SLC9A1: variants seen among roughly 807,000 people sequenced by gnomAD.
The protein encoded by SLC9A1 is sodium/hydrogen exchanger 1.
SLC9A1 carries 22 observed loss-of-function variants against 67.9 expected under a neutral mutation model. That is an observed-to-expected ratio of 0.32 (90% CI 0.23 to 0.46). SLC9A1 has a LOEUF of 0.46. Ranked by LOEUF, SLC9A1 falls within the 20% of genes least tolerant of loss-of-function variation. SLC9A1 has a pLI of 1.00. For synonymous variants in SLC9A1, 421 were observed against 471.8 expected (o/e 0.89, Z 1.40); for missense variants, 686 against 1,094.8 (o/e 0.63, Z 5.27).
intron 1 of SLC9A1, among the ~76,000 whole-genome samples, chr1:27,141,404 A>G (rs1296657870): frequency 2.0e-5 from 3 of 152,194 alleles, no homozygotes; most frequent in Admixed American, 6.5e-5. Context: ...TTCTGCCCCA[A>G]GTAGAAGCTT....
Position 27,100,020 on chromosome 1 carries a change from T to C in SLC9A1, c.*287A>G, listed in dbSNP as rs1265424775. The C allele has an allele frequency of 1.5e-5, 6 of 392,766 alleles. No individual in the cohort carries two copies. Among genetic ancestry groups the C allele is most frequent in the Non-Finnish European group, 1.4e-5 (3 of 220,630 alleles). 24.3% of individuals were successfully genotyped at this position (392,766 alleles called of 1,614,324 possible). A position where few individuals can be genotyped will look rare whatever the true frequency, so the allele number is the denominator to read the frequency against. Reference sequence around the variant, plus strand: ...GCAGAGGGAGGAGCCTCCGAGGCCCTAGTCCAGGTCCGGGAGAAGCCTGGA... The same window carrying C: ...GCAGAGGGAGGAGCCTCCGAGGCCCCAGTCCAGGTCCGGGAGAAGCCTGGA... On this transcript the variant is annotated 3_prime_UTR_variant, in exon 12 of 12. Transcript: ENST00000263980. This position sits in a 1 kb window ranked among gnomAD's most constrained non-coding sequence, Gnocchi z 5.6.
At chr1:27,143,358 T>C (rs1239765391) in intron 1 of SLC9A1, among the ~76,000 whole-genome samples, 4 of 152,230 alleles carry the variant, frequency 2.6e-5, no homozygotes, top group Non-Finnish European at 5.9e-5. Context: ...GCATCCAGCC[T>C]GAACCACACA....
Position 27,100,491 on chromosome 1 carries a change from T to C in SLC9A1, c.2264A>G (p.Asp755Gly). ...SRDPAKVAEE[D>G]EDDDGGIMMR... ...CATGATGCCCCCATCGTCGTCCTCGTCCTCCTCAGCCACCTTTGCAGGATC... is the reference window on the plus strand; with the variant it reads ...CATGATGCCCCCATCGTCGTCCTCGCCCTCCTCAGCCACCTTTGCAGGATC... The change falls in exon 12 of 12, where the codon GAC becomes GGC. Residue 755 changes from aspartate to glycine, a missense_variant. Physicochemically the swap from Asp to Gly is moderately conservative, Grantham distance 94. Coordinates refer to ENST00000263980, the MANE Select transcript of SLC9A1 (RefSeq NM_003047.5). The surrounding 1 kb of genome is among the most constrained non-coding windows in gnomAD (Gnocchi z 5.6). The C allele has an allele frequency of 6.2e-7, 1 of 1,614,092 alleles. No individual in the cohort carries two copies. The highest frequency in any genetic ancestry group is 1.3e-5 in the African/African-American group (1 of 75,038).
intron 1 of SLC9A1, among the ~76,000 whole-genome samples, chr1:27,135,243 G>C (rs2083412152): frequency 6.6e-6 from 1 of 151,632 alleles, no homozygotes; most frequent in African/African-American, 2.4e-5. Context: ...TGTAGAGACA[G>C]GGTCTCCCTA....
At chr1:27,117,844 A>T (rs1344277490) in intron 1 of SLC9A1, among the ~76,000 whole-genome samples, 1 of 152,184 alleles carries the variant, frequency 6.6e-6, no homozygotes, top group East Asian at 1.9e-4. Flanking sequence ...TTAATTCTTT[A>T]GTCAAAGCTC....
In SLC9A1 at chr1:27,152,088, C is replaced by T. The variant is rs541009177; in HGVS notation, c.352+1895G>A. 5.3e-5 allele frequency among the ~76,000 whole-genome samples: 8 copies of T among 152,246 alleles called. No individual in the cohort carries two copies. In the South Asian group the frequency reaches 1.5e-3, roughly 28 times the overall value. ...GACAGAGGGAGGTAGGAAGAGAAGC[C>T]AGGTTTTCCTGACTTCTAGACTGAT... On this transcript the variant is annotated intron_variant, in intron 1 of 11. Transcript: ENST00000263980.
At chr1:27,131,244 C>A (rs78374350) in intron 1 of SLC9A1, among the ~76,000 whole-genome samples, 1 of 152,004 alleles carries the variant, frequency 6.6e-6, no homozygotes, top group Non-Finnish European at 1.5e-5. Context: ...CACCCCCAGA[C>A]CATGGTTCTA....
chr1:27,120,186 C>T (rs539873747), intron 1 of SLC9A1, among the ~76,000 whole-genome samples: 1 of 151,838 alleles, frequency 6.6e-6, no homozygotes, highest in Non-Finnish European at 1.5e-5. Flanking sequence ...TGTACAGTGG[C>T]GCGATTTCGG....
chr1:27,116,837 C>G (rs2083275154), intron 1 of SLC9A1, among the ~76,000 whole-genome samples: 1 of 152,182 alleles, frequency 6.6e-6, no homozygotes, highest in Non-Finnish European at 1.5e-5. Flanking sequence ...TTGCCAAATT[C>G]CTTGCAATTG....
At chr1:27,138,895 G>A (rs946008228) in intron 1 of SLC9A1, among the ~76,000 whole-genome samples, 1 of 152,118 alleles carries the variant, frequency 6.6e-6, no homozygotes, top group Non-Finnish European at 1.5e-5. Context: ...AGCTCCCTGC[G>A]GCTGCTCTGG....
intron 1 of SLC9A1, among the ~76,000 whole-genome samples, chr1:27,119,216 G>C (rs893541161): frequency 6.6e-6 from 1 of 152,168 alleles, no homozygotes; most frequent in East Asian, 1.9e-4. Flanking sequence ...GACTGGCTCA[G>C]TGGAGCAGGC....
In SLC9A1 at chr1:27,114,850, A is replaced by G. The variant is rs1030527957; in HGVS notation, c.353-564T>C. Among the ~76,000 whole-genome samples the G allele has an allele frequency of 6.6e-6, 1 of 152,180 alleles. No homozygotes were observed. Among genetic ancestry groups the G allele is most frequent in the African/African-American group, 2.4e-5 (1 of 41,436 alleles). ...AGAAGAAAGCACAGAAGAATCTAAG[A>G]ATACCAGCGTGGGAAGGAACTTGGG... is the stretch of plus-strand genomic sequence containing the variant. On this transcript the variant is annotated intron_variant, in intron 1 of 11. Transcript: ENST00000263980. The surrounding 1 kb of genome is among the most constrained non-coding windows in gnomAD (Gnocchi z 5.4).
chr1:27,147,323 A>AAAAAAAAAAAAAAAAAAAAGG (rs2083494333), intron 1 of SLC9A1, among the ~76,000 whole-genome samples: 1 of 141,552 alleles, frequency 7.1e-6, no homozygotes, highest in Non-Finnish European at 1.5e-5. Flanking sequence ...AAAAAAAAAG[A>AAAAAAAAAAAAAAAAAAAAGG]AAAGAAAAAA....
At position 27,101,980 on chromosome 1, in the gene SLC9A1, G is replaced by A; in HGVS notation, c.1935+36C>T. 6.5e-7 allele frequency: 1 copy of A among 1,539,510 alleles called. No individual in the cohort carries two copies. The highest frequency in any genetic ancestry group is 1.7e-5 in the Admixed American group (1 of 59,968). Reference sequence around the variant, plus strand: ...CGTAGAGAGGGGCTGAAGGGCTCCTGTACCCTGGGGGTCGGGCTGGGGAGC... The same window carrying A: ...CGTAGAGAGGGGCTGAAGGGCTCCTATACCCTGGGGGTCGGGCTGGGGAGC... On this transcript the variant is annotated intron_variant, in intron 9 of 11. Coordinates refer to ENST00000263980, the MANE Select transcript of SLC9A1 (RefSeq NM_003047.5). This position sits in a 1 kb window ranked among gnomAD's most constrained non-coding sequence, Gnocchi z 4.9.
intron 1 of SLC9A1, among the ~76,000 whole-genome samples, chr1:27,146,161 G>A (rs745598005): frequency 6.6e-5 from 10 of 152,174 alleles, no homozygotes; most frequent in Non-Finnish European, 1.3e-4. Context: ...CCCAGGTCCT[G>A]GGTGTGCTGA....
In SLC9A1 at chr1:27,109,537, CT is replaced by C; in HGVS notation, c.1053del (p.Gly352AlafsTer6). The C allele has an allele frequency of 6.2e-7, 1 of 1,613,476 alleles. No individual in the cohort carries two copies. The highest frequency in any genetic ancestry group is 8.5e-7 in the Non-Finnish European group (1 of 1,179,958). The part of the protein sequence containing the change: ...AYLSAELFHL[S>X]GIMALIASGV... The stretch of plus-strand genomic sequence containing the variant: ...TGCACGCAGACTCACGCCATGATGC[CT>C]GACAGGTGGAAGAGCTCGGCTGACA... On this transcript the variant is annotated frameshift_variant, in exon 3 of 12. Coordinates refer to ENST00000263980, the MANE Select transcript of SLC9A1 (RefSeq NM_003047.5). LOFTEE classifies it high-confidence loss of function. This position sits in a 1 kb window ranked among gnomAD's most constrained non-coding sequence, Gnocchi z 5.5.
chr1:27,149,885 T>G (rs2083515314), intron 1 of SLC9A1, among the ~76,000 whole-genome samples: 1 of 152,214 alleles, frequency 6.6e-6, no homozygotes, highest in South Asian at 2.1e-4. Flanking sequence ...GGTGCTCAGC[T>G]GAATGAAGTC....
chr1:27,101,674 G>C lies in SLC9A1; in HGVS notation c.2037+51C>G. On this transcript the variant is annotated intron_variant, in intron 10 of 11. Transcript: ENST00000263980. This position sits in a 1 kb window ranked among gnomAD's most constrained non-coding sequence, Gnocchi z 4.9. The stretch of plus-strand genomic sequence containing the variant: ...ACATTTCCTTAGAGGCTGTGGCGGA[G>C]CTTGGGCGAGTGGGGTGGGATACAG... The C allele has an allele frequency of 7.5e-7, 1 of 1,326,944 alleles. No homozygotes were observed. The highest frequency in any genetic ancestry group is 1.4e-5 in the African/African-American group (1 of 69,220). The allele number at this position is 1,326,944 out of a possible 1,614,324, so 82.2% of individuals were successfully genotyped here.
At chr1:27,136,881 G>T (rs2083423655) in intron 1 of SLC9A1, among the ~76,000 whole-genome samples, 1 of 152,190 alleles carries the variant, frequency 6.6e-6, no homozygotes, top group Non-Finnish European at 1.5e-5. Flanking sequence ...GGCCAGTCAT[G>T]GTCATGGCTC....
Sources: gnomAD v4.1 joint callset for allele counts (sites outside exome capture counted in the v4.1 genomes callset) on GRCh38, gnomAD v4.1.1 for gene constraint, Gnocchi (gnomAD v3.1) non-coding constraint, MANE v1.5 for transcripts, NCBI Gene and HGNC (gene_info 2026-07-23, HGNC 2026-07-21) for gene names.